The following RAD18 variants were observed in gnomAD, a reference collection of about 807,000 sequenced individuals.
RAD18 encodes the protein RAD18 E3 ubiquitin protein ligase.
In RAD18, 47 loss-of-function variants were observed where a neutral mutation model predicts 60.4. The ratio of observed to expected loss-of-function variants is 0.78; its 90% CI spans 0.62 to 0.99. The LOEUF (loss-of-function observed/expected upper bound fraction) is 0.99. Ranked by LOEUF, RAD18 falls within the 50% of genes least tolerant of loss-of-function variation. The pLI is 0.00. For synonymous variants in RAD18, 225 were observed against 195.5 expected (o/e 1.15, Z -1.26); for missense variants, 640 against 593.3 (o/e 1.08, Z -0.82).
rs149940318 is a variant in RAD18 at position 8,907,270 on chromosome 3, T to A, written c.1028-4750A>T. ...GTATCTTGAAAATTGCTATTTCATA[T>A]GTTTTGTACATTCATTTTGCTTGTT... On this transcript the variant is annotated intron_variant, in intron 9 of 12. Coordinates refer to ENST00000264926, the MANE Select transcript of RAD18 (RefSeq NM_020165.4). 1.7e-4 allele frequency among the ~76,000 whole-genome samples: 26 copies of A among 152,288 alleles called. No individual in the cohort carries two copies. The East Asian group carries it at 5.0e-3, about 29-fold the overall frequency.
chr3:8,912,649 A>C (rs947214553), intron 8 of RAD18, among the ~76,000 whole-genome samples: 1 of 152,184 alleles, frequency 6.6e-6, no homozygotes, highest in Non-Finnish European at 1.5e-5. Flanking sequence ...TCAATATTTA[A>C]TATCCCACAT....
chr3:8,887,166 C>T (rs1559753968), intron 12 of RAD18, among the ~76,000 whole-genome samples: 1 of 152,180 alleles, frequency 6.6e-6, no homozygotes, highest in Non-Finnish European at 1.5e-5. Flanking sequence ...AAGCCCCTTC[C>T]TAAATCTACT....
At position 8,902,489 on chromosome 3, in the gene RAD18, C is replaced by T. The variant is rs1301140595; in HGVS notation, c.1059G>A (p.Leu353=). ...RKKHKSEFQL[L]VDQARKGYKK... ...TGTATCCTTTTCTAGCCTGATCCAC[C>T]AGAAGCTGAAATTCACTCTTATGTT... Residue 353 remains leucine (L), a synonymous_variant, in exon 10 of 13, where the codon CTG becomes CTA. Transcript: ENST00000264926. 6.2e-7 allele frequency: 1 copy of T among 1,607,822 alleles called. No individual in the cohort carries two copies. Among genetic ancestry groups the T allele is most frequent in the Non-Finnish European group, 8.5e-7 (1 of 1,177,630 alleles).
At chr3:8,963,208 C>A in intron 1 of RAD18, 127 bp downstream of exon 1, 1 of 1,077,830 alleles carries the variant, frequency 9.3e-7, no homozygotes, top group Non-Finnish European at 1.3e-6. Context: ...AGGGCAGAGC[C>A]GGATACCCGG....
chr3:8,935,333 T>C (rs1211908131), intron 7 of RAD18, among the ~76,000 whole-genome samples: 2 of 152,236 alleles, frequency 1.3e-5, no homozygotes, highest in African/African-American at 4.8e-5. Context: ...TATCATTTTG[T>C]AAAAACAGTA....
chr3:8,918,945 T>G (rs1213935931), intron 7 of RAD18, among the ~76,000 whole-genome samples: 1 of 152,194 alleles, frequency 6.6e-6, no homozygotes, highest in Admixed American at 6.5e-5. Context: ...TGATGGCAGC[T>G]GACAACTGCA....
At chr3:8,947,808 A>G (rs1011461848) in intron 3 of RAD18, among the ~76,000 whole-genome samples, 2 of 152,226 alleles carry the variant, frequency 1.3e-5, no homozygotes, top group Non-Finnish European at 2.9e-5. Flanking sequence ...AGTGTAACAT[A>G]TCGTAAAGAT....
intron 4 of RAD18, among the ~76,000 whole-genome samples, chr3:8,942,837 GA>G (rs997554515): frequency 6.6e-6 from 1 of 152,158 alleles, no homozygotes; most frequent in Non-Finnish European, 1.5e-5. Flanking sequence ...CACATGATTA[GA>G]CAAAAACACA....
In RAD18 at chr3:8,935,055, G is replaced by A. The variant is rs45512804; in HGVS notation, c.889+816C>T. 2.7e-3 allele frequency among the ~76,000 whole-genome samples: 405 copies of A among 152,332 alleles called. 3 individuals are homozygous for A. Among genetic ancestry groups the A allele is most frequent in the African/African-American group, 9.5e-3 (394 of 41,588 alleles). ...CAAGACAGTGGTCAAATGTGAGAAT[G>A]AAGGAGTGAATGGGAGGGGGCAGAT... is the stretch of plus-strand genomic sequence containing the variant. On this transcript the variant is annotated intron_variant, in intron 7 of 12. Transcript: ENST00000264926.
At chr3:8,909,324 AG>A (rs1940066305) in intron 9 of RAD18, among the ~76,000 whole-genome samples, 2 of 152,342 alleles carry the variant, frequency 1.3e-5, no homozygotes, top group South Asian at 4.1e-4. Flanking sequence ...GCAGGAGGGC[AG>A]CAAGGCAGAA....
intron 1 of RAD18, 120 bp from the exon 2 acceptor site, chr3:8,959,121 C>A: frequency 2.7e-6 from 2 of 749,894 alleles, no homozygotes; most frequent in Admixed American, 2.2e-5. Flanking sequence ...TACACAAATT[C>A]AAAAGCTAAC....
At chr3:8,927,727 G>C (rs187936154) in intron 7 of RAD18, among the ~76,000 whole-genome samples, 1 of 152,258 alleles carries the variant, frequency 6.6e-6, no homozygotes, top group East Asian at 1.9e-4. Context: ...ATACTATGCA[G>C]CCATAAAAAA....
intron 5 of RAD18, among the ~76,000 whole-genome samples, chr3:8,940,848 A>G (rs1167409810): frequency 6.6e-6 from 1 of 152,244 alleles, no homozygotes; most frequent in Non-Finnish European, 1.5e-5. Flanking sequence ...TACGGATCCT[A>G]TGGCCTCTGT....
intron 7 of RAD18, among the ~76,000 whole-genome samples, chr3:8,918,625 T>C (rs907629106): frequency 3.9e-5 from 6 of 152,072 alleles, no homozygotes; most frequent in Non-Finnish European, 8.8e-5. Flanking sequence ...TTCTGTATCT[T>C]ATAGACTATG....
At chr3:8,916,701 C>T (rs1199788325) in intron 7 of RAD18, among the ~76,000 whole-genome samples, 12 of 151,086 alleles carry the variant, frequency 7.9e-5, no homozygotes, top group Admixed American at 7.9e-4. Flanking sequence ...GATATAGACA[C>T]ATAAAACCAA....
At chr3:8,947,335 T>A in intron 3 of RAD18, 45 bp from the exon 4 acceptor site, 1 of 1,439,556 alleles carries the variant, frequency 6.9e-7, no homozygotes, top group Non-Finnish European at 9.7e-7. Context: ...AAAACAATAA[T>A]CAACTTGTCA....
chr3:8,898,363 G>C (rs1209901250), intron 11 of RAD18, among the ~76,000 whole-genome samples: 1 of 140,146 alleles, frequency 7.1e-6, no homozygotes, highest in Non-Finnish European at 1.5e-5. Context: ...AACAAAAACT[G>C]GTATGTGTGT....
Position 8,947,288 on chromosome 3 carries a change from A to G in RAD18, c.198T>C (p.Thr66=), listed in dbSNP as rs764721123. The stretch of plus-strand genomic sequence containing the variant: ...TATTTTTCAGATCCGGCTCTGTGAC[A>G]GTCTAGAAAAAACAAACAACAGATG... ...YKTQCPTCCV[T]VTEPDLKNNR... The change falls in exon 4 of 13, where the codon ACT becomes ACC. Residue 66 remains threonine, a splice_region_variant and synonymous_variant. Coordinates refer to ENST00000264926, the MANE Select transcript of RAD18 (RefSeq NM_020165.4). 3 of 1,605,226 alleles carry G rather than the reference A, an allele frequency of 1.9e-6. No homozygotes were observed. The highest frequency in any genetic ancestry group is 2.6e-6 in the Non-Finnish European group (3 of 1,173,470).
intron 12 of RAD18, among the ~76,000 whole-genome samples, chr3:8,881,815 C>T (rs1939468119): frequency 6.6e-6 from 1 of 152,226 alleles, no homozygotes; most frequent in Non-Finnish European, 1.5e-5. Context: ...TTTGATCCTT[C>T]AGAGACCTGA....
Sources: allele counts gnomAD v4.1 joint callset (sites outside exome capture counted in the v4.1 genomes callset), GRCh38; gene constraint gnomAD v4.1.1; transcripts MANE v1.5; gene names NCBI Gene and HGNC (gene_info 2026-07-23, HGNC 2026-07-21).